The following PATJ variants were observed in gnomAD, a reference collection of about 807,000 sequenced individuals.
PATJ encodes the protein inaD-like protein.
Under a neutral mutation model 224.9 loss-of-function variants are expected in PATJ, and 190 were observed. The ratio of observed to expected loss-of-function variants is 0.84; its 90% CI spans 0.75 to 0.95. The LOEUF is 0.95. PATJ is among the 40% of genes least tolerant of loss of function. The probability of loss-of-function intolerance (pLI) is 0.00; values close to 1 mark genes in which losing one functional copy is unlikely to be tolerated. For missense variants in PATJ, 2,121 were observed against 2,270.3 expected (o/e 0.93, Z 1.34); for synonymous variants, 769 against 820.3 (o/e 0.94, Z 1.07).
At chr1:61,947,798 T>C (rs1256596130) in intron 27 of PATJ, among the ~76,000 whole-genome samples, 2 of 152,204 alleles carry the variant, frequency 1.3e-5, no homozygotes, top group Admixed American at 1.3e-4. Context: ...GTCATCTCGC[T>C]ACCTGACTTC....
In PATJ at chr1:61,927,745, C is replaced by T. The variant is rs763363151; in HGVS notation, c.3586C>T (p.Pro1196Ser). 1 of 1,613,022 alleles carries T rather than the reference C, an allele frequency of 6.2e-7. No individual in the cohort carries two copies. Among genetic ancestry groups the T allele is most frequent in the African/African-American group, 1.3e-5 (1 of 74,960 alleles). The change falls in exon 27 of 44, where the codon CCA (proline) becomes TCA (serine). Residue 1196 changes from proline (P) to serine (S), a missense_variant. Coordinates refer to ENST00000642238, the MANE Select transcript of PATJ (RefSeq NM_001350145.3). ...GCATCTTCAGAGGCAAGGAACTGCT[C>T]CACCGCCAATGAAACTTCCTCCTCC... The part of the protein sequence containing the change: ...EKKEKRQGTA[P>S]PPMKLPPPYK...
chr1:62,014,283 A>T (rs1368275978), intron 28 of PATJ, among the ~76,000 whole-genome samples: 3 of 147,128 alleles, frequency 2.0e-5, no homozygotes, highest in African/African-American at 7.6e-5. Flanking sequence ...CTGGTCTCAG[A>T]CTCCTCAAGT....
Position 61,948,387 on chromosome 1 carries a change from T to G in PATJ, c.3670+20558T>G, listed in dbSNP as rs2149372478. 2.6e-5 allele frequency among the ~76,000 whole-genome samples: 4 copies of G among 152,014 alleles called. No individual in the cohort carries two copies. The South Asian group carries it at 8.3e-4, about 32-fold the overall frequency. On this transcript the variant is annotated intron_variant, in intron 27 of 43. Coordinates refer to ENST00000642238, the MANE Select transcript of PATJ (RefSeq NM_001350145.3). ...TACAAGAAAAAATCAAACAACCCCA[T>G]CAAAAAGTGGGCAAAGGATATGGAC...
chr1:61,849,655 C>T (rs1428963708), intron 17 of PATJ, among the ~76,000 whole-genome samples: 1 of 152,194 alleles, frequency 6.6e-6, no homozygotes, highest in African/African-American at 2.4e-5. Context: ...AGTTGACCAA[C>T]TTTATATGTA....
intron 31 of PATJ, among the ~76,000 whole-genome samples, chr1:62,078,287 G>T (rs1214863740): frequency 2.6e-5 from 4 of 152,176 alleles, no homozygotes; most frequent in East Asian, 1.9e-4. Context: ...ATGTATGTAT[G>T]TATTTATTTT....
rs1644578900 is a variant in PATJ at position 61,983,747 on chromosome 1, A to G, written c.3671-6421A>G. On this transcript the variant is annotated intron_variant, in intron 27 of 43. Transcript: ENST00000642238. ...AGAGAGTTGGGTGGACAAGGAGCTC[A>G]TGGAGTTTATATTCTAGGGGAGGGA... 2.0e-5 allele frequency among the ~76,000 whole-genome samples: 3 copies of G among 152,052 alleles called. No homozygotes were observed. The South Asian group carries it at 6.2e-4, about 31-fold the overall frequency.
chr1:61,746,129 A>G (rs1229862687), intron 1 of PATJ, among the ~76,000 whole-genome samples: 1 of 151,510 alleles, frequency 6.6e-6, no homozygotes, highest in Non-Finnish European at 1.5e-5. Context: ...TTTAGTAGAG[A>G]CAGGGTTTTG....
At chr1:61,754,069 TG>T (rs1645483743) in intron 1 of PATJ, among the ~76,000 whole-genome samples, 1 of 152,012 alleles carries the variant, frequency 6.6e-6, no homozygotes, top group Non-Finnish European at 1.5e-5. Flanking sequence ...AATGATGGAG[TG>T]GAAGCTCCCA....
At position 62,002,996 on chromosome 1, in the gene PATJ, A is replaced by G. The variant is rs371896308; in HGVS notation, c.3867+12632A>G. 3.9e-5 allele frequency among the ~76,000 whole-genome samples: 6 copies of G among 152,350 alleles called. No homozygotes were observed. In the East Asian group the frequency reaches 1.2e-3, roughly 29 times the overall value. ...CATATATCAATGTTCTTAGAAGAATAAATTCCCGGTCATTGGTCACCAGTC... is the reference window on the plus strand; with the variant it reads ...CATATATCAATGTTCTTAGAAGAATGAATTCCCGGTCATTGGTCACCAGTC... On this transcript the variant is annotated intron_variant, in intron 28 of 43. Transcript: ENST00000642238.
At chr1:62,066,386 AC>A (rs1327224076) in intron 31 of PATJ, among the ~76,000 whole-genome samples, 1 of 148,690 alleles carries the variant, frequency 6.7e-6, no homozygotes, top group African/African-American at 2.6e-5. Flanking sequence ...TGCTGTGGGA[AC>A]TTTTTTTTTT....
At chr1:61,961,984 A>C (rs978517979) in intron 27 of PATJ, among the ~76,000 whole-genome samples, 2 of 150,644 alleles carry the variant, frequency 1.3e-5, no homozygotes, top group African/African-American at 4.9e-5. Flanking sequence ...AAAAAAAAAA[A>C]AGAAAGAAAA....
chr1:61,765,972 T>C (rs1404599351), intron 3 of PATJ, among the ~76,000 whole-genome samples: 1 of 152,204 alleles, frequency 6.6e-6, no homozygotes, highest in Non-Finnish European at 1.5e-5. Context: ...CCTTACACTG[T>C]TATGTGACTG....
chr1:61,812,042 C>G (rs1654881340), intron 14 of PATJ, among the ~76,000 whole-genome samples: 1 of 151,336 alleles, frequency 6.6e-6, no homozygotes, highest in Admixed American at 6.6e-5. Flanking sequence ...GCCTGGGCGA[C>G]AGAGCGAGAC....
intron 30 of PATJ, among the ~76,000 whole-genome samples, chr1:62,049,184 T>G (rs766628875): frequency 2.6e-5 from 4 of 151,152 alleles, no homozygotes; most frequent in Non-Finnish European, 5.9e-5. Flanking sequence ...TCAAACAGTA[T>G]AGAAATAATT....
intron 39 of PATJ, among the ~76,000 whole-genome samples, chr1:62,126,809 A>G (rs1002346095): frequency 1.3e-5 from 2 of 152,150 alleles, no homozygotes. Flanking sequence ...GGAATTGGCC[A>G]CTAAACTAAG....
At position 61,884,414 on chromosome 1, in the gene PATJ, A is replaced by T; in HGVS notation, c.3131+6A>T. The T allele has an allele frequency of 7.4e-7, 1 of 1,352,274 alleles. No individual in the cohort carries two copies. The highest frequency in any genetic ancestry group is 1.0e-6 in the Non-Finnish European group (1 of 1,001,752). The allele number at this position is 1,352,274 out of a possible 1,614,324, so 83.8% of individuals were successfully genotyped here. A position where few individuals can be genotyped will look rare whatever the true frequency, so the allele number is the denominator to read the frequency against. ...AGATATGCCACTGATACATGGTATG[A>T]TATCATTTCTCTTTGTTTTCACATT... is the stretch of plus-strand genomic sequence containing the variant. On this transcript the variant is annotated splice_donor_region_variant and intron_variant, in intron 22 of 43. Transcript: ENST00000642238.
intron 31 of PATJ, chr1:62,073,095 T>C: frequency 1.0e-6 from 1 of 985,334 alleles, no homozygotes; most frequent in Non-Finnish European, 1.2e-6. Context: ...CACCTGACAA[T>C]GTACATAACT....
At chr1:62,043,728 G>GT (rs201610806) in intron 30 of PATJ, among the ~76,000 whole-genome samples, 6 of 151,380 alleles carry the variant, frequency 4.0e-5, no homozygotes, top group South Asian at 2.1e-4. Flanking sequence ...TTTTGGTTTG[G>GT]GGGGGGCAGT....
At chr1:61,984,367 C>G (rs1205358753) in intron 27 of PATJ, among the ~76,000 whole-genome samples, 1 of 151,466 alleles carries the variant, frequency 6.6e-6, no homozygotes, top group African/African-American at 2.4e-5. Context: ...ACTATACTGG[C>G]CAGGCTGGTC....
Sources: allele counts gnomAD v4.1 joint callset (sites outside exome capture counted in the v4.1 genomes callset), GRCh38; gene constraint gnomAD v4.1.1; transcripts MANE v1.5; gene names NCBI Gene and HGNC (gene_info 2026-07-23, HGNC 2026-07-21).